Variants in OGN observed in about 807,000 individuals in gnomAD.
The protein encoded by OGN is osteoglycin, also known as mimecan.
OGN carries 19 observed loss-of-function variants against 30.8 expected under a neutral mutation model. The ratio of observed to expected loss-of-function variants is 0.62; its 90% CI spans 0.43 to 0.90. The LOEUF (loss-of-function observed/expected upper bound fraction) is 0.90, where lower values mean the gene tolerates loss of function less well. Among genes scored for constraint, OGN ranks in the 40% least tolerant of loss-of-function variants. The pLI is 0.00. For missense variants in OGN, 283 were observed against 349.7 expected, an observed-to-expected ratio of 0.81 and a Z score of 1.52; for synonymous variants, 126 against 128.3, an observed-to-expected ratio of 0.98 and a Z score of 0.12.
At chr9:92,391,507 A>C (rs1247080067) in intron 4 of OGN, among the ~76,000 whole-genome samples, 1 of 152,040 alleles carries the variant, frequency 6.6e-6, no homozygotes, top group Non-Finnish European at 1.5e-5. Context: ...ACTGAGGGAC[A>C]AGAATCCCTT....
In OGN at chr9:92,393,261, A is replaced by G. The variant is rs1253056928; in HGVS notation, c.269-17T>C. On this transcript the variant is annotated splice_polypyrimidine_tract_variant and intron_variant, in intron 3 of 6. Coordinates refer to ENST00000375561, the MANE Select transcript of OGN (RefSeq NM_014057.5). ...TGGGCATTTCTAAATTGGGAATAAA[A>G]TCATAAAAATATGAACAATCGTTTG... 1.3e-6 allele frequency: 2 copies of G among 1,565,820 alleles called. No homozygotes were observed. The highest frequency in any genetic ancestry group is 1.7e-6 in the Non-Finnish European group (2 of 1,154,372).
chr9:92,389,978 A>C lies in OGN; in HGVS notation c.506T>G (p.Leu169Ter). The C allele has an allele frequency of 6.2e-7, 1 of 1,610,946 alleles. No individual in the cohort carries two copies. Among genetic ancestry groups the C allele is most frequent in the Non-Finnish European group, 8.5e-7 (1 of 1,177,356 alleles). The change falls in exon 5 of 7, where the codon TTA becomes TGA. Residue 169 changes from leucine to a stop codon, truncating the protein, a stop_gained. Transcript: ENST00000375561. LOFTEE classifies it high-confidence loss of function. ...EDGTFSKLSL[L>*]EELSLAENQL... ...ATTTTCAGCAAGTGAAAGTTCTTCTAACAGAGAAAGTTTTGAAAAAGTACC... is the reference window on the plus strand; with the variant it reads ...ATTTTCAGCAAGTGAAAGTTCTTCTCACAGAGAAAGTTTTGAAAAAGTACC...
At chr9:92,386,144 A>G in intron 6 of OGN, 57 bp downstream of exon 6, 1 of 1,337,386 alleles carries the variant, frequency 7.5e-7, no homozygotes, top group East Asian at 2.3e-5. Flanking sequence ...CCAATGAGTC[A>G]CAAGATTTTG....
intron 2 of OGN, 110 bp downstream of exon 2, chr9:92,403,124 A>T: frequency 1.5e-6 from 1 of 654,002 alleles, no homozygotes; most frequent in Non-Finnish European, 2.5e-6. Context: ...TGAATCATTT[A>T]AAGTGATTTT....
At chr9:92,397,111 A>C (rs997894981) in intron 3 of OGN, among the ~76,000 whole-genome samples, 6 of 152,058 alleles carry the variant, frequency 3.9e-5, no homozygotes, top group African/African-American at 7.2e-5. Flanking sequence ...CAGGAGGTCA[A>C]GACTGCAGTG....
chr9:92,385,604 G>A lies in OGN; in HGVS notation c.*16C>T. ...AGTGTAGGTGTACTTTCATTTATAT[G>A]TTGTACCAATAGAGGTTAAAAGTAT... is the stretch of plus-strand genomic sequence containing the variant. On this transcript the variant is annotated 3_prime_UTR_variant, in exon 7 of 7. Coordinates refer to ENST00000375561, the MANE Select transcript of OGN (RefSeq NM_014057.5). 6.2e-7 allele frequency: 1 copy of A among 1,607,530 alleles called. No homozygotes were observed. The highest frequency in any genetic ancestry group is 8.5e-7 in the Non-Finnish European group (1 of 1,174,282).
chr9:92,398,877 C>G (rs964528493), intron 3 of OGN, among the ~76,000 whole-genome samples: 3 of 152,032 alleles, frequency 2.0e-5, no homozygotes, highest in Non-Finnish European at 4.4e-5. Context: ...GCCTGACCAA[C>G]ATGGTGAAAC....
Position 92,386,285 on chromosome 9 carries a change from G to GTTA in OGN, c.639_641dup (p.Asn214dup), listed in dbSNP as rs756858889. 61 of 1,612,030 alleles carry GTTA rather than the reference G, an allele frequency of 3.8e-5. No individual in the cohort carries two copies. The highest frequency in any genetic ancestry group is 5.1e-5 in the Non-Finnish European group (60 of 1,178,402). ...TATGGTCCAAGTAGAGGAAGGTGAG[G>GTTA]TTATTCAGTTTCTGTAAGGAAAATT... is the stretch of plus-strand genomic sequence containing the variant. On this transcript the variant is annotated inframe_insertion, in exon 6 of 7. Transcript: ENST00000375561.
chr9:92,385,467 T>C lies in OGN; in HGVS notation c.*153A>G, dbSNP rs1180853335. ...TCAGTCTTACTTTTTACTTATTATATGTAAGATTTTGAACATCCTTGCTTA... is the reference window on the plus strand; with the variant it reads ...TCAGTCTTACTTTTTACTTATTATACGTAAGATTTTGAACATCCTTGCTTA... On this transcript the variant is annotated 3_prime_UTR_variant, in exon 7 of 7. Transcript: ENST00000375561. 1 of 622,678 alleles carries C rather than the reference T, an allele frequency of 1.6e-6. No homozygotes were observed. Among genetic ancestry groups the C allele is most frequent in the Non-Finnish European group, 2.7e-6 (1 of 368,054 alleles). 38.6% of individuals were successfully genotyped at this position (622,678 alleles called of 1,614,324 possible).
intron 3 of OGN, among the ~76,000 whole-genome samples, chr9:92,395,383 T>A (rs976695416): frequency 1.3e-5 from 2 of 152,208 alleles, no homozygotes; most frequent in African/African-American, 4.8e-5. Flanking sequence ...TATTACTCAG[T>A]AGTATTCAAT....
intron 3 of OGN, among the ~76,000 whole-genome samples, chr9:92,398,922 C>T (rs1208855692): frequency 2.6e-5 from 4 of 151,872 alleles, no homozygotes; most frequent in Non-Finnish European, 4.4e-5. Flanking sequence ...ATTAGCCTGG[C>T]GTGGTGGCGC....
intron 2 of OGN, 68 bp downstream of exon 2, chr9:92,403,166 G>T: frequency 1.8e-6 from 2 of 1,102,076 alleles, no homozygotes. Context: ...ACACATTCAG[G>T]AAAAGCAAAA....
intron 2 of OGN, among the ~76,000 whole-genome samples, chr9:92,402,676 A>G (rs1444810657): frequency 6.6e-6 from 1 of 152,228 alleles, no homozygotes; most frequent in Non-Finnish European, 1.5e-5. Context: ...TAGAGGGTCT[A>G]AACTGTTAAA....
At position 92,391,241 on chromosome 9, in the gene OGN, CA is replaced by C. The variant is rs770262906; in HGVS notation, c.428-1186del. On this transcript the variant is annotated intron_variant, in intron 4 of 6. Coordinates refer to ENST00000375561, the MANE Select transcript of OGN (RefSeq NM_014057.5). ...GAAACCCCATCTCTACTAAAAATACCAAAAAAAAAAAAAAAATTAGCCAGGC... is the reference window on the plus strand; with the variant it reads ...GAAACCCCATCTCTACTAAAAATACCAAAAAAAAAAAAAAATTAGCCAGGC... Among the ~76,000 whole-genome samples, 1,169 of 129,068 alleles carry C rather than the reference CA, an allele frequency of 9.1e-3. 6 individuals carry two copies. Among genetic ancestry groups the C allele is most frequent in the East Asian group, 0.013 (60 of 4,530 alleles). The allele number at this position is 129,068 out of a possible 152,430, so 84.7% of individuals were successfully genotyped here.
In OGN at chr9:92,390,064, G is replaced by GA. The variant is rs775291999; in HGVS notation, c.428-9dup. The GA allele has an allele frequency of 7.3e-6, 11 of 1,499,462 alleles. No homozygotes were observed. Among genetic ancestry groups the GA allele is most frequent in the South Asian group, 7.2e-5 (6 of 83,142 alleles). 92.9% of individuals were successfully genotyped at this position (1,499,462 alleles called of 1,614,324 possible). A position where few individuals can be genotyped will look rare whatever the true frequency, so the allele number is the denominator to read the frequency against. ...CGAGTCTTCTTAAGTTAGCTAGAGG[G>GA]AAAAAAATATAAAAAACAACTACGT... On this transcript the variant is annotated splice_polypyrimidine_tract_variant and intron_variant, in intron 4 of 6. Coordinates refer to ENST00000375561, the MANE Select transcript of OGN (RefSeq NM_014057.5).
intron 3 of OGN, among the ~76,000 whole-genome samples, chr9:92,393,972 C>T (rs903279675): frequency 9.2e-5 from 14 of 152,042 alleles, no homozygotes; most frequent in African/African-American, 3.1e-4. Context: ...TAGTATTTGC[C>T]ATGTTTCTCA....
intron 3 of OGN, among the ~76,000 whole-genome samples, chr9:92,395,563 G>A (rs1296039474): frequency 6.6e-6 from 1 of 152,234 alleles, no homozygotes; most frequent in East Asian, 1.9e-4. Context: ...ATAAATGTAT[G>A]TTTTATCTTT....
intron 6 of OGN, among the ~76,000 whole-genome samples, 200 bp downstream of exon 6, chr9:92,386,001 T>C (rs148390220): frequency 6.6e-6 from 1 of 152,344 alleles, no homozygotes; most frequent in African/African-American, 2.4e-5. Flanking sequence ...CTACTTGTTA[T>C]GCTCTGGATG....
At chr9:92,399,679 A>T (rs1440353543) in intron 3 of OGN, among the ~76,000 whole-genome samples, 2 of 152,052 alleles carry the variant, frequency 1.3e-5, no homozygotes, top group African/African-American at 4.8e-5. Context: ...TTTGGAGTTT[A>T]TTTTTTGTGT....
Sources: allele counts gnomAD v4.1 joint callset (sites outside exome capture counted in the v4.1 genomes callset), GRCh38; gene constraint gnomAD v4.1.1; transcripts MANE v1.5; gene names NCBI Gene and HGNC (gene_info 2026-07-23, HGNC 2026-07-21).